Variants in VIT observed in about 807,000 individuals in gnomAD.
The protein encoded by VIT is vitrin.
In VIT, 99 loss-of-function variants were observed where a neutral mutation model predicts 78.0. That is an observed-to-expected ratio of 1.27 (90% CI 1.08 to 1.50). The LOEUF (loss-of-function observed/expected upper bound fraction) is 1.50. Among genes scored for constraint, VIT ranks in the 40% most tolerant of loss-of-function variants. VIT has a pLI of 0.00. For synonymous variants in VIT, 374 were observed against 334.3 expected (o/e 1.12, Z -1.29); for missense variants, 1,126 against 875.3 (o/e 1.29, Z -3.61).
At chr2:36,796,489 G>T (rs1665910763) in intron 12 of VIT, among the ~76,000 whole-genome samples, 1 of 152,186 alleles carries the variant, frequency 6.6e-6, no homozygotes, top group South Asian at 2.1e-4. Flanking sequence ...GTATGTGGTA[G>T]GGGAAAGAGA....
chr2:36,710,842 T>C (rs932831599), intron 1 of VIT, among the ~76,000 whole-genome samples: 1 of 152,198 alleles, frequency 6.6e-6, no homozygotes, highest in Non-Finnish European at 1.5e-5. Flanking sequence ...TTTGGAGCTA[T>C]GGGAAACAAA....
chr2:36,747,866 T>G (rs1239736686), intron 4 of VIT, among the ~76,000 whole-genome samples: 2 of 152,196 alleles, frequency 1.3e-5, no homozygotes, highest in Non-Finnish European at 1.5e-5. Flanking sequence ...TGAACTTAAG[T>G]GTGTTTTTGT....
chr2:36,759,011 C>T lies in VIT; in HGVS notation c.452C>T (p.Thr151Ile). The T allele has an allele frequency of 1.2e-6, 2 of 1,614,056 alleles. No individual in the cohort carries two copies. Among genetic ancestry groups the T allele is most frequent in the East Asian group, 2.2e-5 (1 of 44,872 alleles). The change falls in exon 6 of 16, where the codon ACA becomes ATA. Residue 151 changes from threonine (T) to isoleucine (I), a missense_variant. Physicochemically the swap from Thr to Ile is moderately conservative, Grantham distance 89. Coordinates refer to ENST00000379242, the MANE Select transcript of VIT (RefSeq NM_053276.4). Reference sequence around the variant, plus strand: ...GGTGTAACCTACCCATCAGCTCTTACATACTCATCATCGAAAAGTCCAGCT... The same window carrying T: ...GGTGTAACCTACCCATCAGCTCTTATATACTCATCATCGAAAAGTCCAGCT... ...KKGVTYPSALTYSSSKSPAAQ... is the reference protein window; with the variant it reads ...KKGVTYPSALIYSSSKSPAAQ...
At chr2:36,800,365 A>G (rs1477977497) in intron 12 of VIT, among the ~76,000 whole-genome samples, 2 of 152,216 alleles carry the variant, frequency 1.3e-5, no homozygotes, top group East Asian at 3.9e-4. Flanking sequence ...GAAAGAAAAA[A>G]GAAAACAGTA....
At chr2:36,752,954 A>C (rs183222694) in intron 4 of VIT, among the ~76,000 whole-genome samples, 1 of 152,254 alleles carries the variant, frequency 6.6e-6, no homozygotes, top group African/African-American at 2.4e-5. Context: ...CATGGAATCA[A>C]CCTAAATGCC....
intron 3 of VIT, among the ~76,000 whole-genome samples, 157 bp downstream of exon 3, chr2:36,729,648 C>A (rs1246269761): frequency 1.3e-5 from 2 of 152,134 alleles, no homozygotes; most frequent in Non-Finnish European, 2.9e-5. Context: ...TTATCCCCTA[C>A]CACATTCCAA....
chr2:36,773,585 G>C (rs1669879733), intron 7 of VIT, among the ~76,000 whole-genome samples: 1 of 152,108 alleles, frequency 6.6e-6, no homozygotes, highest in Non-Finnish European at 1.5e-5. Flanking sequence ...TAAAAAATTA[G>C]TTGAGCCTAG....
intron 6 of VIT, chr2:36,759,786 C>A: frequency 1.8e-6 from 1 of 542,092 alleles, no homozygotes; most frequent in Non-Finnish European, 2.4e-6. Context: ...TTAAGAATAG[C>A]AGTAGAACTT....
chr2:36,804,541 A>G (rs769829266), intron 13 of VIT, among the ~76,000 whole-genome samples: 19 of 152,192 alleles, frequency 1.2e-4, no homozygotes, highest in Non-Finnish European at 2.4e-4. Context: ...TGTTCGCATG[A>G]AAGTCTTTGG....
intron 11 of VIT, among the ~76,000 whole-genome samples, chr2:36,783,923 A>T (rs1434526918): frequency 1.3e-5 from 2 of 152,192 alleles, no homozygotes; most frequent in Admixed American, 1.3e-4. Flanking sequence ...TTTCTTCGAG[A>T]CATTTGATCT....
chr2:36,744,224 T>C (rs556124606), intron 4 of VIT, among the ~76,000 whole-genome samples: 1 of 152,348 alleles, frequency 6.6e-6, no homozygotes, highest in South Asian at 2.1e-4. Flanking sequence ...GACACCTTCG[T>C]TGGTTCCATT....
At chr2:36,760,916 C>A in intron 6 of VIT, among the ~76,000 whole-genome samples, 1 of 152,230 alleles carries the variant, frequency 6.6e-6, no homozygotes, top group Non-Finnish European at 1.5e-5. Context: ...TCGCATTTTG[C>A]TGCATGAGCC....
At chr2:36,762,553 T>C (rs1035100403) in intron 6 of VIT, among the ~76,000 whole-genome samples, 40 of 152,180 alleles carry the variant, frequency 2.6e-4, no homozygotes, top group African/African-American at 8.7e-4. Context: ...GTCCTTAGTC[T>C]TACTTAGGAG....
At chr2:36,744,324 C>T (rs977426123) in intron 4 of VIT, among the ~76,000 whole-genome samples, 35 of 152,122 alleles carry the variant, frequency 2.3e-4, no homozygotes, top group Middle Eastern at 3.2e-3. Flanking sequence ...GGTATATACC[C>T]AGCAATGGGT....
rs1420291099 is a variant in VIT, at chr2:36,767,245, C to A, written c.639C>A (p.Ile213=). The change falls in exon 7 of 16, where the codon ATC becomes ATA. Residue 213 remains isoleucine (I), a synonymous_variant. Coordinates refer to ENST00000379242, the MANE Select transcript of VIT (RefSeq NM_053276.4). ...PSPSAASTTS[I]PRPQSVGHRS... The stretch of plus-strand genomic sequence containing the variant: ...CTTCTGCTGCTTCTACCACCAGCAT[C>A]CCCAGACCACAATCAGTGGGCCACA... 4 of 1,592,696 alleles carry A rather than the reference C, an allele frequency of 2.5e-6. No homozygotes were observed. Among genetic ancestry groups the A allele is most frequent in the Non-Finnish European group, 2.6e-6 (3 of 1,170,220 alleles).
At chr2:36,800,075 G>C (rs998234702) in intron 12 of VIT, among the ~76,000 whole-genome samples, 1 of 150,952 alleles carries the variant, frequency 6.6e-6, no homozygotes, top group African/African-American at 2.4e-5. Flanking sequence ...GGCCGGGCAC[G>C]GTGGCTCACG....
chr2:36,726,801 A>G lies in VIT; in HGVS notation c.53-2625A>G, dbSNP rs575259456. Among the ~76,000 whole-genome samples, 255 of 143,408 alleles carry G rather than the reference A, an allele frequency of 1.8e-3. 2 individuals are homozygous for G. The highest frequency in any genetic ancestry group is 1.3e-3 in the Non-Finnish European group (84 of 66,308). 94.1% of individuals were successfully genotyped at this position (143,408 alleles called of 152,430 possible). ...ACTACTGCACTCCGGCATGGGCAAC[A>G]GAGTGGGACTCTGTCTCAAAAAAAA... On this transcript the variant is annotated intron_variant, in intron 2 of 15. Transcript: ENST00000379242.
intron 12 of VIT, among the ~76,000 whole-genome samples, chr2:36,791,178 AGTCTATAATAGCT>A (rs1412283100): frequency 6.6e-6 from 1 of 152,140 alleles, no homozygotes; most frequent in Non-Finnish European, 1.5e-5. Flanking sequence ...CTTGCTCATG[AGTCTATAATAGCT>A]GTCCTGTGGT....
chr2:36,714,568 T>C (rs1666007969), intron 1 of VIT, among the ~76,000 whole-genome samples: 1 of 152,178 alleles, frequency 6.6e-6, no homozygotes, highest in South Asian at 2.1e-4. Flanking sequence ...AAGCCATCTG[T>C]CCAGAGGGGA....
Sources: allele counts gnomAD v4.1 joint callset (sites outside exome capture counted in the v4.1 genomes callset), GRCh38; gene constraint gnomAD v4.1.1; transcripts MANE v1.5; gene names NCBI Gene and HGNC (gene_info 2026-07-23, HGNC 2026-07-21).